DMD: variants seen among roughly 807,000 people sequenced by gnomAD.
DMD encodes the protein mutant dystrophin.
Under a neutral mutation model 330.1 loss-of-function variants are expected in DMD, and 63 were observed. The ratio of observed to expected loss-of-function variants is 0.19; its 90% CI spans 0.16 to 0.24. DMD has a LOEUF of 0.24. DMD is among the 10% of genes least tolerant of loss of function. The pLI, the probability that DMD is intolerant of heterozygous loss-of-function variation, is 1.00. For missense variants in DMD, 3,344 were observed against 2,684.1 expected, an observed-to-expected ratio of 1.25 and a Z score of -5.43; for synonymous variants, 1,223 against 959.8, an observed-to-expected ratio of 1.27 and a Z score of -5.07.
At chrX:31,178,397 G>A in intron 70 of DMD, 1 of 952,221 alleles carries the variant, frequency 1.1e-6, no homozygotes, top group Non-Finnish European at 1.3e-6. Flanking sequence ...TTCTTATAAG[G>A]CTTGTAAGGC....
chrX:31,249,457 C>T (rs1371759105), intron 63 of DMD, among the ~76,000 whole-genome samples: 1 of 111,504 alleles, frequency 9.0e-6, no homozygotes, highest in Non-Finnish European at 1.9e-5. Context: ...GTTGCCCAGG[C>T]TGGTCTCGAA....
At chrX:33,104,699 C>T (rs1298562528) in intron 1 of DMD, among the ~76,000 whole-genome samples, 2 of 111,897 alleles carry the variant, frequency 1.8e-5, no homozygotes, top group Non-Finnish European at 3.8e-5. Context: ...TTCACACGGA[C>T]GCGTATGAAA....
intron 50 of DMD, among the ~76,000 whole-genome samples, chrX:31,791,713 T>A (rs998136118): frequency 1.8e-5 from 2 of 111,647 alleles, no homozygotes; most frequent in African/African-American, 6.5e-5. Flanking sequence ...TTTCTTAGAC[T>A]TTTTTTTGCA....
At chrX:31,747,947 C>T (rs2087995241) in intron 51 of DMD, among the ~76,000 whole-genome samples, 1 of 111,936 alleles carries the variant, frequency 8.9e-6, no homozygotes, top group South Asian at 3.7e-4. Context: ...ATTCCTTTTT[C>T]TGTGTTTTAT....
chrX:31,375,703 T>TG (rs759567877), intron 60 of DMD, among the ~76,000 whole-genome samples: 118 of 111,644 alleles, frequency 1.1e-3, no homozygotes, highest in Middle Eastern at 4.6e-3. Flanking sequence ...TGCCAGGGGC[T>TG]GGGGGAAAGG....
intron 17 of DMD, among the ~76,000 whole-genome samples, chrX:32,532,360 G>C (rs1018262428): frequency 1.1e-4 from 12 of 111,800 alleles, no homozygotes; most frequent in African/African-American, 3.3e-4. Context: ...AGGAGTCCCA[G>C]TCAAGCATTT....
chrX:32,080,037 G>A (rs774724023), intron 44 of DMD, among the ~76,000 whole-genome samples: 2 of 112,251 alleles, frequency 1.8e-5, no homozygotes, highest in South Asian at 7.4e-4. Context: ...GGGTATAGAG[G>A]CCACCAGAAA....
chrX:32,277,554 A>G (rs1232374345), intron 43 of DMD, among the ~76,000 whole-genome samples: 1 of 111,958 alleles, frequency 8.9e-6, no homozygotes, highest in African/African-American at 3.2e-5. Flanking sequence ...TATCAAAGAT[A>G]GACCACACAG....
rs917009607 is a variant in DMD at position 31,171,011 on chromosome X, A to C, written c.10394+1337T>G. 1.8e-4 allele frequency among the ~76,000 whole-genome samples: 20 copies of C among 112,072 alleles called. 1 individual carries two copies. In the Admixed American group the frequency reaches 1.8e-3, roughly 10 times the overall value. On this transcript the variant is annotated intron_variant, in intron 73 of 78. Transcript: ENST00000357033. ...CTGTTACGTAGATACAACTCGAATT[A>C]ATCTGAATGTGCTAGAGCTTCTAAT...
intron 29 of DMD, among the ~76,000 whole-genome samples, chrX:32,413,771 A>G (rs1267218114): frequency 1.1e-5 from 1 of 91,420 alleles, no homozygotes; most frequent in African/African-American, 4.5e-5. Context: ...CCCAGACTGG[A>G]GTGCAGTGGC....
chrX:31,562,617 C>T (rs1038493603), intron 55 of DMD, among the ~76,000 whole-genome samples: 4 of 111,941 alleles, frequency 3.6e-5, no homozygotes, highest in East Asian at 2.8e-4. Flanking sequence ...TCCTATACTT[C>T]GGCCAGTTTT....
At chrX:32,071,859 T>A (rs1343078836) in intron 44 of DMD, among the ~76,000 whole-genome samples, 1 of 111,863 alleles carries the variant, frequency 8.9e-6, no homozygotes, top group East Asian at 2.8e-4. Flanking sequence ...ACCTGATCTT[T>A]TTATTTTCCA....
chrX:32,761,983 T>C (rs1039569668), intron 7 of DMD, among the ~76,000 whole-genome samples: 1 of 108,491 alleles, frequency 9.2e-6, no homozygotes, highest in Non-Finnish European at 1.9e-5. Context: ...ACCCAGTCTC[T>C]ACTAAAAACA....
intron 51 of DMD, among the ~76,000 whole-genome samples, chrX:31,742,459 A>G (rs777863442): frequency 3.6e-5 from 4 of 112,158 alleles, no homozygotes; most frequent in Non-Finnish European, 7.5e-5. Flanking sequence ...CATAATTTCA[A>G]TATTGTTGTG....
At position 33,321,140 on chromosome X, in the gene DMD, GATGA is replaced by G. The variant is rs773221802; in HGVS notation, c.7+18115_7+18118del. Among the ~76,000 whole-genome samples, 77 of 111,393 alleles carry G rather than the reference GATGA, an allele frequency of 6.9e-4. 1 individual carries two copies. The South Asian group carries it at 0.017, about 25-fold the overall frequency. On this transcript the variant is annotated intron_variant, in intron 1 of 17. Transcript: ENST00000288447. Reference sequence around the variant, plus strand: ...TAAATGTGATATTTTGACCTCCTCCGATGAATCATGAATGTTATTAATGGCATCT... The same window carrying G: ...TAAATGTGATATTTTGACCTCCTCCGATCATGAATGTTATTAATGGCATCT...
chrX:32,001,568 CTT>C (rs769684025), intron 44 of DMD, among the ~76,000 whole-genome samples: 1 of 110,642 alleles, frequency 9.0e-6, no homozygotes, highest in Non-Finnish European at 1.9e-5. Context: ...TCTCTAATCA[CTT>C]TTGATTTTAC....
In DMD at chrX:32,380,439, T is replaced by G; in HGVS notation, c.4845+71A>C. The G allele has an allele frequency of 3.1e-6, 3 of 975,649 alleles. No individual in the cohort carries two copies. The South Asian group carries it at 5.9e-5, about 19-fold the overall frequency. 80.4% of individuals were successfully genotyped at this position (975,649 alleles called of 1,213,427 possible). ...TAATGCTATTATTGCTACATGTTAA[T>G]ACTTCCTTACAAAATCATATTATGT... is the stretch of plus-strand genomic sequence containing the variant. On this transcript the variant is annotated intron_variant, in intron 34 of 78. Transcript: ENST00000357033.
chrX:31,636,893 G>A (rs183521756), intron 54 of DMD, among the ~76,000 whole-genome samples: 5 of 111,461 alleles, frequency 4.5e-5, no homozygotes, highest in Admixed American at 1.9e-4. Context: ...GGCATTAATC[G>A]AATATTTTAA....
intron 44 of DMD, among the ~76,000 whole-genome samples, chrX:31,998,406 G>A (rs113983210): frequency 1.5e-4 from 17 of 111,915 alleles, no homozygotes; most frequent in African/African-American, 4.5e-4. Context: ...ATGTTACCCA[G>A]ATCTGACTGT....
Sources: gnomAD v4.1 joint callset for allele counts (sites outside exome capture counted in the v4.1 genomes callset) on GRCh38, gnomAD v4.1.1 for gene constraint, MANE v1.5 for transcripts, NCBI Gene and HGNC (gene_info 2026-07-23, HGNC 2026-07-21) for gene names.